The following SMC2 variants were observed in gnomAD, a reference collection of about 807,000 sequenced individuals.
SMC2 encodes structural maintenance of chromosomes protein 2.
In SMC2, 41 loss-of-function variants were observed where a neutral mutation model predicts 142.6. That is an observed-to-expected ratio of 0.29 (90% CI 0.22 to 0.37). The LOEUF is 0.37. Among genes scored for constraint, SMC2 ranks in the 10% least tolerant of loss-of-function variants. The pLI, the probability that SMC2 is intolerant of heterozygous loss-of-function variation, is 1.00. For missense variants in SMC2, 1,265 were observed against 1,373.7 expected, an observed-to-expected ratio of 0.92 and a Z score of 1.25; for synonymous variants, 463 against 457.5, an observed-to-expected ratio of 1.01 and a Z score of -0.15.
rs1233835477 is a variant in SMC2 at position 104,134,575 on chromosome 9, G to A, written c.3269G>A (p.Arg1090Lys). ...CTAACTGAACTTAGTGGTGGTCAGA[G>A]GTGAGGAATCACTTTGCTATATTAT... Reference protein sequence around the residue: ...ENLTELSGGQRSLVALSLILS... With the variant: ...ENLTELSGGQKSLVALSLILS... The change falls in exon 23 of 25, where the codon AGG (arginine) becomes AAG (lysine). Residue 1090 changes from arginine to lysine, a missense_variant and splice_region_variant. Arg to Lys is a conservative substitution (Grantham distance 26, BLOSUM62 2). This residue lies in a region of SMC2 where 192 missense variants were observed against 261.9 expected (regional missense o/e 0.73). Transcript: ENST00000374793. 4 of 1,577,478 alleles carry A rather than the reference G, an allele frequency of 2.5e-6. No individual in the cohort carries two copies. The highest frequency in any genetic ancestry group is 8.6e-7 in the Non-Finnish European group (1 of 1,166,164).
chr9:104,101,542 G>T lies in SMC2; in HGVS notation c.637-418G>T, dbSNP rs1370954999. ...AGGATTTTAGTTATTACTTTGTCTG[G>T]TCCCAGTAGGTCCTTATGGGAGTCG... On this transcript the variant is annotated intron_variant, in intron 7 of 24. Coordinates refer to ENST00000374793, the MANE Select transcript of SMC2 (RefSeq NM_006444.3). Among the ~76,000 whole-genome samples, 3 of 152,212 alleles carry T rather than the reference G, an allele frequency of 2.0e-5. No individual in the cohort carries two copies. The East Asian group carries it at 5.8e-4, about 29-fold the overall frequency.
At chr9:104,132,643 TTC>T (rs1171751094) in intron 22 of SMC2, among the ~76,000 whole-genome samples, 2 of 152,152 alleles carry the variant, frequency 1.3e-5, no homozygotes, top group Non-Finnish European at 2.9e-5. Flanking sequence ...TTGCCTCTTT[TTC>T]TCTTTGTAAT....
At chr9:104,094,984 C>A in intron 1 of SMC2, 1 of 195,764 alleles carries the variant, frequency 5.1e-6, no homozygotes, top group East Asian at 1.3e-4. Context: ...AGAGAGTAAG[C>A]TATGTCAGTA....
chr9:104,093,989 G>A (rs956460737), upstream of SMC2, among the ~76,000 whole-genome samples: 2 of 152,220 alleles, frequency 1.3e-5, no homozygotes, highest in Admixed American at 6.5e-5. Flanking sequence ...GGAGAAGGCG[G>A]AGTCTGCAGT....
At chr9:104,115,090 A>C (rs1832934092) in intron 13 of SMC2, among the ~76,000 whole-genome samples, 1 of 152,136 alleles carries the variant, frequency 6.6e-6, no homozygotes, top group Non-Finnish European at 1.5e-5. Context: ...TTGTAAAATA[A>C]TCTGGGAATA....
intron 23 of SMC2, among the ~76,000 whole-genome samples, chr9:104,136,690 A>G (rs1487531769): frequency 6.6e-6 from 1 of 151,014 alleles, no homozygotes; most frequent in East Asian, 1.9e-4. Flanking sequence ...GAATGAGTTT[A>G]GCTCCCTTTT....
At chr9:104,127,108 G>A (rs1231993745) in intron 19 of SMC2, among the ~76,000 whole-genome samples, 178 bp from the exon 20 acceptor site, 1 of 152,122 alleles carries the variant, frequency 6.6e-6, no homozygotes, top group Non-Finnish European at 1.5e-5. Context: ...GTTTTCTTCT[G>A]TGTATAAATT....
intron 14 of SMC2, 116 bp downstream of exon 14, chr9:104,116,435 A>G (rs1833127293): frequency 9.9e-7 from 1 of 1,010,456 alleles, no homozygotes; most frequent in Non-Finnish European, 1.4e-6. Context: ...TTAAAATACA[A>G]AAAAATTGGG....
chr9:104,132,765 C>A (rs974162827), intron 22 of SMC2, among the ~76,000 whole-genome samples: 4 of 151,638 alleles, frequency 2.6e-5, no homozygotes, highest in African/African-American at 9.7e-5. Context: ...TAATATTTTT[C>A]TCTTAAAAAT....
chr9:104,132,480 G>A (rs1287821800), intron 22 of SMC2, among the ~76,000 whole-genome samples: 2 of 152,040 alleles, frequency 1.3e-5, no homozygotes, highest in Non-Finnish European at 2.9e-5. Flanking sequence ...TCATGTATCT[G>A]TCTCCTATAG....
chr9:104,102,279 C>G, intron 8 of SMC2, 86 bp downstream of exon 8: 1 of 1,059,978 alleles, frequency 9.4e-7, no homozygotes, highest in Non-Finnish European at 1.4e-6. Context: ...ATTCATTGGG[C>G]ATTGTCTTCC....
At chr9:104,091,399 G>C (rs1027928745), upstream of SMC2, among the ~76,000 whole-genome samples, 5 of 35,688 alleles carry the variant, frequency 1.4e-4, no homozygotes, top group Admixed American at 1.6e-3. Flanking sequence ...TAAGCAACAG[G>C]AATTATCCAT....
chr9:104,124,873 A>G, intron 17 of SMC2, 39 bp from the exon 18 acceptor site: 1 of 1,497,558 alleles, frequency 6.7e-7, no homozygotes, highest in East Asian at 2.3e-5. Context: ...AACCTTTACC[A>G]TTGTTAACTT....
At chr9:104,136,323 A>G (rs1835522879) in intron 23 of SMC2, among the ~76,000 whole-genome samples, 1 of 151,978 alleles carries the variant, frequency 6.6e-6, no homozygotes, top group Admixed American at 6.5e-5. Context: ...GAGTAGAAAT[A>G]TATTTTATTT....
intron 17 of SMC2, among the ~76,000 whole-genome samples, chr9:104,123,437 A>G (rs1381963684): frequency 3.3e-5 from 5 of 151,860 alleles, no homozygotes; most frequent in Non-Finnish European, 7.4e-5. Context: ...GTTTTTACCA[A>G]TACTCATTTC....
the SMC2 span, among the ~76,000 whole-genome samples, chr9:104,088,909 T>C: frequency 6.6e-6 from 1 of 151,924 alleles, no homozygotes. Flanking sequence ...AATCCACTGA[T>C]ACATCTATCC....
At chr9:104,100,274 G>T in intron 6 of SMC2, 71 bp downstream of exon 6, 3 of 1,402,464 alleles carry the variant, frequency 2.1e-6, no homozygotes, top group Non-Finnish European at 2.9e-6. Flanking sequence ...GCTGTAAAGA[G>T]GGAAAAATTT....
upstream of SMC2, among the ~76,000 whole-genome samples, chr9:104,090,445 G>GA (rs1408993225): frequency 3.3e-5 from 5 of 151,952 alleles, no homozygotes; most frequent in Non-Finnish European, 7.4e-5. Context: ...ACCGGAACTG[G>GA]AAAAAGGCAA....
At chr9:104,119,491 G>A (rs1175491142) in intron 15 of SMC2, among the ~76,000 whole-genome samples, 7 of 152,080 alleles carry the variant, frequency 4.6e-5, no homozygotes, top group Non-Finnish European at 8.8e-5. Context: ...CAGAACTTAG[G>A]TCAGCCCCGA....
Sources: gnomAD v4.1 joint callset for allele counts (sites outside exome capture counted in the v4.1 genomes callset) on GRCh38, gnomAD v4.1.1 for gene constraint, gnomAD v4.1.1 regional missense constraint, MANE v1.5 for transcripts, NCBI Gene and HGNC (gene_info 2026-07-23, HGNC 2026-07-21) for gene names.